NCKAP1L: variants seen among roughly 807,000 people sequenced by gnomAD.
The protein encoded by NCKAP1L is NCK associated protein 1 like.
A neutral mutation model predicts 139.2 loss-of-function variants in NCKAP1L; 53 were observed. The ratio of observed to expected loss-of-function variants is 0.38; its 90% CI spans 0.31 to 0.48. NCKAP1L has a LOEUF of 0.48. NCKAP1L is among the 20% of genes least tolerant of loss of function. The pLI, the probability that NCKAP1L is intolerant of heterozygous loss-of-function variation, is 0.98. For synonymous variants in NCKAP1L, 468 were observed against 499.7 expected (o/e 0.94, Z 0.85); for missense variants, 1,151 against 1,381.9 (o/e 0.83, Z 2.65).
chr12:54,499,515 T>C lies in NCKAP1L; in HGVS notation c.213+50T>C, dbSNP rs777622993. 4 of 1,099,946 alleles carry C rather than the reference T, an allele frequency of 3.6e-6. No individual in the cohort carries two copies. The South Asian group carries it at 5.0e-5, about 14-fold the overall frequency. 68.1% of individuals were successfully genotyped at this position (1,099,946 alleles called of 1,614,324 possible). A position where few individuals can be genotyped will look rare whatever the true frequency, so the allele number is the denominator to read the frequency against. On this transcript the variant is annotated intron_variant, in intron 2 of 30. Transcript: ENST00000293373. Reference sequence around the variant, plus strand: ...TTCTCTGAATAATTCTCTGCTTGAATGGCTGAAATTCTCCTCTTTTGATGC... The same window carrying C: ...TTCTCTGAATAATTCTCTGCTTGAACGGCTGAAATTCTCCTCTTTTGATGC...
chr12:54,527,774 T>C (rs1420800774), intron 21 of NCKAP1L, among the ~76,000 whole-genome samples: 1 of 152,178 alleles, frequency 6.6e-6, no homozygotes, highest in African/African-American at 2.4e-5. Flanking sequence ...GTAGCCCAGC[T>C]CCTTTAAGTT....
At chr12:54,537,123 G>C in intron 29 of NCKAP1L, 70 bp downstream of exon 29, 1 of 1,050,374 alleles carries the variant, frequency 9.5e-7, no homozygotes, top group Non-Finnish European at 1.5e-6. Context: ...TAAATCTGTA[G>C]ACAATTATCG....
At position 54,536,243 on chromosome 12, in the gene NCKAP1L, A is replaced by T. The variant is rs761983556; in HGVS notation, c.3071A>T (p.Asp1024Val). ...TCTTCCTTTTATAGCATTGAGAAGG[A>T]TGGTAAGTAAGGGGTAGGTTTGAGA... is the stretch of plus-strand genomic sequence containing the variant. ...DPSSFYSIEK[D>V]GYNNNIHCLT... The change falls in exon 28 of 31, where the codon GAT (aspartate) becomes GTT (valine). Residue 1024 changes from aspartate to valine, a missense_variant and splice_region_variant. Asp to Val is a radical substitution (Grantham distance 152, BLOSUM62 -3). Coordinates refer to ENST00000293373, the MANE Select transcript of NCKAP1L (RefSeq NM_005337.5). The T allele has an allele frequency of 6.2e-7, 1 of 1,603,134 alleles. No homozygotes were observed. Among genetic ancestry groups the T allele is most frequent in the East Asian group, 2.2e-5 (1 of 44,818 alleles).
chr12:54,538,398 T>A (rs1186133094), intron 29 of NCKAP1L, among the ~76,000 whole-genome samples: 1 of 152,292 alleles, frequency 6.6e-6, no homozygotes, highest in South Asian at 2.1e-4. Context: ...ATGAATCATG[T>A]TTCTTCTTTG....
In NCKAP1L at chr12:54,544,048, G is replaced by A. The variant is rs1957180352; in HGVS notation, c.*1363G>A. Reference sequence around the variant, plus strand: ...TTGCTTTTTATTTCTTGAGACCCAGGCTTAGTCAATACTTTCTTAACTTGG... The same window carrying A: ...TTGCTTTTTATTTCTTGAGACCCAGACTTAGTCAATACTTTCTTAACTTGG... On this transcript the variant is annotated 3_prime_UTR_variant, in exon 31 of 31. Coordinates refer to ENST00000293373, the MANE Select transcript of NCKAP1L (RefSeq NM_005337.5). The A allele has an allele frequency of 1.3e-5, 2 of 152,172 alleles. No individual in the cohort carries two copies. The highest frequency in any genetic ancestry group is 4.1e-4 in the South Asian group (2 of 4,824). 9.4% of individuals were successfully genotyped at this position (152,172 alleles called of 1,614,324 possible).
rs1956874742 is a variant in NCKAP1L at position 54,509,995 on chromosome 12, C to T, written c.735+10C>T. The T allele has an allele frequency of 6.2e-7, 1 of 1,613,718 alleles. No homozygotes were observed. Among genetic ancestry groups the T allele is most frequent in the African/African-American group, 1.3e-5 (1 of 74,916 alleles). ...TGCTAATTCAGATACAGTGAGTGCC[C>T]TTTTCCTTTTGTTAGTGGAAGCATT... On this transcript the variant is annotated intron_variant, in intron 7 of 30. Coordinates refer to ENST00000293373, the MANE Select transcript of NCKAP1L (RefSeq NM_005337.5).
intron 25 of NCKAP1L, 40 bp downstream of exon 25, chr12:54,531,865 A>C: frequency 1.4e-6 from 2 of 1,429,568 alleles, no homozygotes; most frequent in Non-Finnish European, 2.0e-6. Flanking sequence ...AGTCACAGAT[A>C]CCTCTGTGGG....
chr12:54,517,659 G>T lies in NCKAP1L; in HGVS notation c.1205+17G>T, dbSNP rs150417774. ...TGCTGACTCGTTAGTACTTGACATGGCTAAGAACCTTGTCCTTAGATGGAC... is the reference window on the plus strand; with the variant it reads ...TGCTGACTCGTTAGTACTTGACATGTCTAAGAACCTTGTCCTTAGATGGAC... On this transcript the variant is annotated intron_variant, in intron 12 of 30. Coordinates refer to ENST00000293373, the MANE Select transcript of NCKAP1L (RefSeq NM_005337.5). The T allele has an allele frequency of 9.0e-4, 1,444 of 1,597,954 alleles. 11 individuals are homozygous for T. The African/African-American group carries it at 0.016, about 17-fold the overall frequency.
chr12:54,521,215 G>A lies in NCKAP1L; in HGVS notation c.1855G>A (p.Glu619Lys), dbSNP rs1956980895. 5 of 1,614,072 alleles carry A rather than the reference G, an allele frequency of 3.1e-6. No homozygotes were observed. The African/African-American group carries it at 5.3e-5, about 17-fold the overall frequency. ...TSNCVLEICA[E>K]QRNLSEQLLP... ...CAATTGCGTCCTGGAGATCTGTGCT[G>A]AGCAGCGAAACCTGAGCGAGCAGGT... The change falls in exon 18 of 31, where the codon GAG becomes AAG. Residue 619 changes from glutamate (E) to lysine (K), a missense_variant. Physicochemically the swap from Glu to Lys is moderately conservative, Grantham distance 56. Coordinates refer to ENST00000293373, the MANE Select transcript of NCKAP1L (RefSeq NM_005337.5).
chr12:54,539,047 T>C (rs554105294), intron 30 of NCKAP1L, 74 bp downstream of exon 30: 1 of 1,297,462 alleles, frequency 7.7e-7, no homozygotes, highest in East Asian at 2.3e-5. Flanking sequence ...TTAGGGTCTT[T>C]GCATCCTTGC....
At chr12:54,517,291 A>G (rs904985991) in intron 11 of NCKAP1L, among the ~76,000 whole-genome samples, 3 of 152,188 alleles carry the variant, frequency 2.0e-5, no homozygotes, top group African/African-American at 4.8e-5. Flanking sequence ...TGCCCAGTAA[A>G]TATTTCTAAA....
rs1303897912 is a variant in NCKAP1L, at chr12:54,545,675, G to C, written c.*2990G>C. On this transcript the variant is annotated 3_prime_UTR_variant, in exon 31 of 31. Transcript: ENST00000293373. ...AAGTTTGCTTTACTTAGGCCCAAAGGAACTAAAGAATGGATATCAGAAATC... is the reference window on the plus strand; with the variant it reads ...AAGTTTGCTTTACTTAGGCCCAAAGCAACTAAAGAATGGATATCAGAAATC... The C allele has an allele frequency of 6.6e-6, 1 of 152,228 alleles. No individual in the cohort carries two copies. The highest frequency in any genetic ancestry group is 1.5e-5 in the Non-Finnish European group (1 of 68,046). 9.4% of individuals were successfully genotyped at this position (152,228 alleles called of 1,614,324 possible).
chr12:54,516,657 G>C (rs1297103631), intron 10 of NCKAP1L, among the ~76,000 whole-genome samples: 1 of 152,078 alleles, frequency 6.6e-6, no homozygotes, highest in Non-Finnish European at 1.5e-5. Context: ...TGTTGGCCAT[G>C]CTGGTCTTGA....
intron 9 of NCKAP1L, among the ~76,000 whole-genome samples, chr12:54,514,035 T>G (rs2120908750): frequency 6.6e-6 from 1 of 151,922 alleles, no homozygotes; most frequent in South Asian, 2.1e-4. Flanking sequence ...ATTTTCAACC[T>G]TATGAAAGTA....
intron 18 of NCKAP1L, among the ~76,000 whole-genome samples, chr12:54,523,115 C>G (rs1956998816): frequency 6.6e-6 from 1 of 152,158 alleles, no homozygotes; most frequent in Non-Finnish European, 1.5e-5. Context: ...AAGAAAGGTT[C>G]TCTCAGGATG....
At chr12:54,528,010 C>T (rs775576286) in intron 21 of NCKAP1L, among the ~76,000 whole-genome samples, 43 of 152,150 alleles carry the variant, frequency 2.8e-4, no homozygotes, top group Non-Finnish European at 3.5e-4. Flanking sequence ...TTGCATTTGA[C>T]GGTATAGCAA....
rs1364342846 is a variant in NCKAP1L, at chr12:54,511,743, T to C, written c.736-60T>C. The stretch of plus-strand genomic sequence containing the variant: ...TTGATACTCAGATCCTAGTTTGTCC[T>C]TTCTCCTTTAGAGGAAGGCCAAGTT... On this transcript the variant is annotated intron_variant, in intron 7 of 30. Transcript: ENST00000293373. 4.4e-6 allele frequency: 7 copies of C among 1,580,338 alleles called. No individual in the cohort carries two copies. In the African/African-American group the frequency reaches 6.8e-5, roughly 15 times the overall value.
intron 9 of NCKAP1L, among the ~76,000 whole-genome samples, chr12:54,514,021 A>G (rs1956910225): frequency 6.6e-6 from 1 of 151,652 alleles, no homozygotes; most frequent in African/African-American, 2.4e-5. Flanking sequence ...TAAAGATGGC[A>G]TGTATTTTCA....
rs559593500 is a variant in NCKAP1L at position 54,518,841 on chromosome 12, A to G, written c.1421-73A>G. 5.6e-5 allele frequency: 84 copies of G among 1,505,120 alleles called. No individual in the cohort carries two copies. The African/African-American group carries it at 1.0e-3, about 18-fold the overall frequency. 93.2% of individuals were successfully genotyped at this position (1,505,120 alleles called of 1,614,324 possible). A position where few individuals can be genotyped will look rare whatever the true frequency, so the allele number is the denominator to read the frequency against. Reference sequence around the variant, plus strand: ...GTAGGACAAGATGTTTTTGAAGAGGATCTACCATTCTATGTAGTTGGATAT... The same window carrying G: ...GTAGGACAAGATGTTTTTGAAGAGGGTCTACCATTCTATGTAGTTGGATAT... On this transcript the variant is annotated intron_variant, in intron 14 of 30. Transcript: ENST00000293373.
Sources: allele counts gnomAD v4.1 joint callset (sites outside exome capture counted in the v4.1 genomes callset), GRCh38; gene constraint gnomAD v4.1.1; transcripts MANE v1.5; gene names NCBI Gene and HGNC (gene_info 2026-07-23, HGNC 2026-07-21).